SIGLEC12: variants seen among roughly 807,000 people sequenced by gnomAD.
SIGLEC12 encodes the protein sialic acid-binding Ig-like lectin 12.
SIGLEC12 carries 43 observed loss-of-function variants against 54.1 expected under a neutral mutation model. The observed-to-expected ratio is 0.80, with a 90% CI of 0.62 to 1.03. The LOEUF is 1.03. Among genes scored for constraint, SIGLEC12 ranks in the 50% least tolerant of loss-of-function variants. The pLI is 0.00. For missense variants in SIGLEC12, 802 were observed against 735.2 expected (o/e 1.09, Z -1.05); for synonymous variants, 357 against 307.6 (o/e 1.16, Z -1.68).
chr19:51,497,239 C>A, intron 6 of SIGLEC12, 110 bp downstream of exon 6: 1 of 1,034,174 alleles, frequency 9.7e-7, no homozygotes, highest in Non-Finnish European at 1.5e-6. Flanking sequence ...CTCATTCTGG[C>A]CCTTGCTTCA....
rs765789669 is a variant in SIGLEC12 at position 51,499,704 on chromosome 19, A to T, written c.821T>A (p.Met274Lys). Residue 274 changes from methionine to lysine, a missense_variant, in exon 3 of 8, where the codon ATG becomes AAG. Met to Lys is a moderately conservative substitution (Grantham distance 95). Transcript: ENST00000291707. ...LSVHVTALTH[M>K]PTFSIPGTLE... ...GGTCCCCGGGATGGAGAAGGTGGGCATGTGAGTCAGGGCTGGTGATGAAAG... is the reference window on the plus strand; with the variant it reads ...GGTCCCCGGGATGGAGAAGGTGGGCTTGTGAGTCAGGGCTGGTGATGAAAG... 5 of 1,614,042 alleles carry T rather than the reference A, an allele frequency of 3.1e-6. No homozygotes were observed. The South Asian group carries it at 4.4e-5, about 14-fold the overall frequency.
Position 51,499,416 on chromosome 19 carries a change from G to C in SIGLEC12, c.1087+22C>G, listed in dbSNP as rs750464799. On this transcript the variant is annotated intron_variant, in intron 3 of 7. Coordinates refer to ENST00000291707, the MANE Select transcript of SIGLEC12 (RefSeq NM_053003.4). ...TCAAGGAATCCCGATCAAAGACCCAGACGTCCTGGCCCAGAACTCACAGGA... is the reference window on the plus strand; with the variant it reads ...TCAAGGAATCCCGATCAAAGACCCACACGTCCTGGCCCAGAACTCACAGGA... 5.8e-6 allele frequency: 9 copies of C among 1,551,884 alleles called. No individual in the cohort carries two copies. In the African/African-American group the frequency reaches 8.3e-5, roughly 14 times the overall value.
Position 51,500,231 on chromosome 19 carries a change from C to G in SIGLEC12, c.497G>C (p.Cys166Ser). ...PESVTVQEGLCVSVPCSVLYP... is the reference protein window; with the variant it reads ...PESVTVQEGLSVSVPCSVLYP... ...AAGGACACTGCAGGGCACAGAGACACACAGACCCTCCTGCACAGTCACCGA... is the reference window on the plus strand; with the variant it reads ...AAGGACACTGCAGGGCACAGAGACAGACAGACCCTCCTGCACAGTCACCGA... Residue 166 changes from cysteine to serine, a missense_variant, in exon 2 of 8, where the codon TGT becomes TCT. By Grantham distance (112) the Cys-to-Ser change is moderately radical. Coordinates refer to ENST00000291707, the MANE Select transcript of SIGLEC12 (RefSeq NM_053003.4). 8 of 1,614,194 alleles carry G rather than the reference C, an allele frequency of 5.0e-6. No individual in the cohort carries two copies. Among genetic ancestry groups the G allele is most frequent in the Non-Finnish European group, 6.8e-6 (8 of 1,180,038 alleles).
At chr19:51,498,672 C>G (rs1403912152) in intron 4 of SIGLEC12, among the ~76,000 whole-genome samples, 1 of 152,186 alleles carries the variant, frequency 6.6e-6, no homozygotes, top group Non-Finnish European at 1.5e-5. Context: ...GAATGACACA[C>G]AGCCCTAGAG....
At chr19:51,494,026 C>T (rs137967173) in intron 7 of SIGLEC12, among the ~76,000 whole-genome samples, 2 of 152,330 alleles carry the variant, frequency 1.3e-5, no homozygotes, top group Admixed American at 6.5e-5. Flanking sequence ...ATCACACAGA[C>T]GTCCTTGTGG....
chr19:51,497,905 T>C (rs780687308), intron 5 of SIGLEC12, 113 bp downstream of exon 5: 3 of 1,457,520 alleles, frequency 2.1e-6, no homozygotes, highest in Non-Finnish European at 2.8e-6. Flanking sequence ...CACTCACTGC[T>C]TGGCAGCAAG....
intron 1 of SIGLEC12, 146 bp downstream of exon 1, chr19:51,501,161 G>A (rs530774213): frequency 3.2e-5 from 27 of 835,374 alleles, no homozygotes; most frequent in Non-Finnish European, 4.4e-5. Flanking sequence ...TCCAAGGTGC[G>A]GTCCTGGGGA....
At position 51,498,025 on chromosome 19, in the gene SIGLEC12, C is replaced by G; in HGVS notation, c.1398G>C (p.Glu466Asp). The G allele has an allele frequency of 6.2e-7, 1 of 1,614,234 alleles. No individual in the cohort carries two copies. The highest frequency in any genetic ancestry group is 8.5e-7 in the Non-Finnish European group (1 of 1,180,032). ...HISLSLSLQNEYTGKMRPISG... is the reference protein window; with the variant it reads ...HISLSLSLQNDYTGKMRPISG... The stretch of plus-strand genomic sequence containing the variant: ...AGACCCTCCCCTACCCACCTGTGTA[C>G]TCGTTTTGCAGGGAGAGGCTCAGGG... Residue 466 changes from glutamate to aspartate, a missense_variant, in exon 5 of 8, where the codon GAG (glutamate) becomes GAC (aspartate). By Grantham distance (45) the Glu-to-Asp change is conservative (BLOSUM62 2). Coordinates refer to ENST00000291707, the MANE Select transcript of SIGLEC12 (RefSeq NM_053003.4).
At position 51,500,315 on chromosome 19, in the gene SIGLEC12, G is replaced by A. The variant is rs1460809258; in HGVS notation, c.428-15C>T. 6.2e-7 allele frequency: 1 copy of A among 1,614,154 alleles called. No homozygotes were observed. Among genetic ancestry groups the A allele is most frequent in the East Asian group, 2.2e-5 (1 of 44,876 alleles). ...GTCCTGGGACGCTGTGGAGAAACGA[G>A]GGTCAGCCCAGCCCCCACTGTCCCT... On this transcript the variant is annotated splice_polypyrimidine_tract_variant and intron_variant, in intron 1 of 7. Transcript: ENST00000291707.
At chr19:51,492,883 G>C (rs986462449) in intron 7 of SIGLEC12, among the ~76,000 whole-genome samples, 3 of 152,224 alleles carry the variant, frequency 2.0e-5, no homozygotes, top group African/African-American at 7.2e-5. Context: ...ATCCATGTTT[G>C]TTGTTTGAAG....
chr19:51,501,270 C>T, intron 1 of SIGLEC12, 37 bp downstream of exon 1: 1 of 1,604,478 alleles, frequency 6.2e-7, no homozygotes, highest in Non-Finnish European at 8.5e-7. Context: ...GCCCTCATCA[C>T]ATTTGCCTTT....
rs1014429575 is a variant in SIGLEC12 at position 51,497,085 on chromosome 19, C to T, written c.1503-109G>A. ...TGGGGAGCTGGAGGGGTAACTGAGG[C>T]GGGAGGGGAGTGGTCCCATTCCAGA... On this transcript the variant is annotated intron_variant, in intron 6 of 7. Coordinates refer to ENST00000291707, the MANE Select transcript of SIGLEC12 (RefSeq NM_053003.4). 25 of 1,555,932 alleles carry T rather than the reference C, an allele frequency of 1.6e-5. 1 individual carries two copies. The highest frequency in any genetic ancestry group is 6.8e-5 in the East Asian group (3 of 44,292).
In SIGLEC12 at chr19:51,499,964, C is replaced by T; in HGVS notation, c.764G>A (p.Arg255Lys). Reference protein sequence around the residue: ...KYYFQVERGSRKWNYIYDKLS... With the variant: ...KYYFQVERGSKKWNYIYDKLS... Reference sequence around the variant, plus strand: ...CTTGTCATATATGTAGTTCCATTTCCTGCTTCCTCTCTCCACCTGGAAGTA... The same window carrying T: ...CTTGTCATATATGTAGTTCCATTTCTTGCTTCCTCTCTCCACCTGGAAGTA... The change falls in exon 2 of 8, where the codon AGG (arginine) becomes AAG (lysine). Residue 255 changes from arginine to lysine, a missense_variant. Arg to Lys is a conservative substitution (Grantham distance 26, BLOSUM62 2). Transcript: ENST00000291707. 6.2e-7 allele frequency: 1 copy of T among 1,614,000 alleles called. No homozygotes were observed. Among genetic ancestry groups the T allele is most frequent in the Non-Finnish European group, 8.5e-7 (1 of 1,179,932 alleles).
At position 51,499,207 on chromosome 19, in the gene SIGLEC12, C is replaced by T. The variant is rs1417495674; in HGVS notation, c.1098G>A (p.Gln366=). 1 of 1,613,976 alleles carries T rather than the reference C, an allele frequency of 6.2e-7. No homozygotes were observed. The highest frequency in any genetic ancestry group is 1.7e-5 in the Admixed American group (1 of 59,998). The change falls in exon 4 of 8, where the codon CAG becomes CAA. Residue 366 remains glutamine (Q), a synonymous_variant. Transcript: ENST00000291707. The part of the protein sequence containing the change: ...AVRLNISYPP[Q]NLTMTVFQGD... ...CTTGGAAGACAGTCATGGTCAAGTT[C>T]TGAGGAGGATCTGGAACAGAAAGAC...
In SIGLEC12 at chr19:51,501,740, G is replaced by T; in HGVS notation, c.-7C>A. The T allele has an allele frequency of 6.3e-7, 1 of 1,592,406 alleles. No homozygotes were observed. Among genetic ancestry groups the T allele is most frequent in the South Asian group, 1.1e-5 (1 of 88,826 alleles). On this transcript the variant is annotated 5_prime_UTR_variant, in exon 1 of 8. Coordinates refer to ENST00000291707, the MANE Select transcript of SIGLEC12 (RefSeq NM_053003.4). ...GTAGCAGCAGCAGTAGCATGTGTCG[G>T]GTTGGAGGTGCCAGGGTTGCTGAGG... is the stretch of plus-strand genomic sequence containing the variant.
chr19:51,499,486 G>A lies in SIGLEC12; in HGVS notation c.1039C>T (p.Pro347Ser). The A allele has an allele frequency of 6.2e-7, 1 of 1,606,204 alleles. No homozygotes were observed. The highest frequency in any genetic ancestry group is 1.1e-5 in the South Asian group (1 of 90,128). The change falls in exon 3 of 8, where the codon CCT becomes TCT. Residue 347 changes from proline (P) to serine (S), a missense_variant. By Grantham distance (74) the Pro-to-Ser change is moderately conservative. Transcript: ENST00000291707. ...GTSLTCQVTL[P>S]GAGVTMTRAV... ...CTGGTCATGGTCACGCCGGCCCCAG[G>A]CAAGGTCACCTGACAGGTGAGGCTG...
Position 51,495,217 on chromosome 19 carries a change from GTGGA to G in SIGLEC12, c.1599+1659_1599+1662del, listed in dbSNP as rs1399460575. On this transcript the variant is annotated intron_variant, in intron 7 of 7. Transcript: ENST00000291707. Reference sequence around the variant, plus strand: ...GATGGATGGACGGACGGGTGGGTGGGTGGATGGATGGATGGATGGATGGATGGAT... The same window carrying G: ...GATGGATGGACGGACGGGTGGGTGGGTGGATGGATGGATGGATGGATGGAT... Among the ~76,000 whole-genome samples the G allele has an allele frequency of 6.0e-4, 47 of 78,856 alleles. 2 individuals carry two copies. Among genetic ancestry groups the G allele is most frequent in the South Asian group, 3.1e-3 (6 of 1,912 alleles). The allele number at this position is 78,856 out of a possible 152,430, so 51.7% of individuals were successfully genotyped here.
Position 51,499,944 on chromosome 19 carries a change from C to T in SIGLEC12, c.784G>A (p.Asp262Asn). 1 of 1,613,064 alleles carries T rather than the reference C, an allele frequency of 6.2e-7. No individual in the cohort carries two copies. Among genetic ancestry groups the T allele is most frequent in the Non-Finnish European group, 8.5e-7 (1 of 1,179,408 alleles). The change falls in exon 2 of 8, where the codon GAC becomes AAC. Residue 262 changes from aspartate (D) to asparagine (N), a missense_variant. Physicochemically the swap from Asp to Asn is conservative, Grantham distance 23 (BLOSUM62 1). Coordinates refer to ENST00000291707, the MANE Select transcript of SIGLEC12 (RefSeq NM_053003.4). Reference sequence around the variant, plus strand: ...CCTGTCACATGCACAGAGAGCTTGTCATATATGTAGTTCCATTTCCTGCTT... The same window carrying T: ...CCTGTCACATGCACAGAGAGCTTGTTATATATGTAGTTCCATTTCCTGCTT... ...RGSRKWNYIY[D>N]KLSVHVTALT...
chr19:51,495,894 A>T (rs965701046), intron 7 of SIGLEC12, among the ~76,000 whole-genome samples: 1 of 152,230 alleles, frequency 6.6e-6, no homozygotes, highest in Non-Finnish European at 1.5e-5. Context: ...GGCATGAAGG[A>T]TGAATAGGAA....
Sources: allele counts gnomAD v4.1 joint callset (sites outside exome capture counted in the v4.1 genomes callset), GRCh38; gene constraint gnomAD v4.1.1; transcripts MANE v1.5; gene names NCBI Gene and HGNC (gene_info 2026-07-23, HGNC 2026-07-21).